The following RASAL2 variants were observed in gnomAD, a reference collection of about 807,000 sequenced individuals.
RASAL2 encodes the protein ras GTPase-activating protein nGAP.
RASAL2 carries 58 observed loss-of-function variants against 128.9 expected under a neutral mutation model. The ratio of observed to expected loss-of-function variants is 0.45; its 90% CI spans 0.36 to 0.56. The LOEUF (loss-of-function observed/expected upper bound fraction) is 0.56. Among genes scored for constraint, RASAL2 ranks in the 20% least tolerant of loss-of-function variants. The pLI is 0.00. For synonymous variants in RASAL2, 561 were observed against 580.8 expected (o/e 0.97, Z 0.49); for missense variants, 1,360 against 1,601.6 (o/e 0.85, Z 2.57).
intron 3 of RASAL2, among the ~76,000 whole-genome samples, chr1:178,352,799 A>G (rs1172964537): frequency 1.3e-5 from 2 of 152,058 alleles, no homozygotes; most frequent in Non-Finnish European, 2.9e-5. Context: ...CAGCTCTTGC[A>G]CTCTGTGTAC....
chr1:178,111,385 G>T (rs539121900), intron 1 of RASAL2, among the ~76,000 whole-genome samples: 32 of 152,112 alleles, frequency 2.1e-4, no homozygotes, highest in African/African-American at 7.7e-4. Flanking sequence ...CTAGGATTAC[G>T]TGCATGAGCC....
At chr1:178,255,243 T>G (rs912142735) in intron 1 of RASAL2, among the ~76,000 whole-genome samples, 1 of 152,068 alleles carries the variant, frequency 6.6e-6, no homozygotes, top group African/African-American at 2.4e-5. Flanking sequence ...AGACAGTAAT[T>G]CAAATCCAAA....
chr1:178,327,078 T>C (rs1393486852), intron 3 of RASAL2, among the ~76,000 whole-genome samples: 1 of 152,198 alleles, frequency 6.6e-6, no homozygotes, highest in Non-Finnish European at 1.5e-5. Context: ...TCATTCTAAC[T>C]TAGCATTTCT....
intron 1 of RASAL2, among the ~76,000 whole-genome samples, chr1:178,160,576 A>G (rs1187036599): frequency 1.3e-5 from 2 of 152,252 alleles, no homozygotes; most frequent in African/African-American, 2.4e-5. Context: ...CGGAGGTTGC[A>G]GTGAGCCGAG....
chr1:178,250,434 T>G (rs1220836304), intron 1 of RASAL2, among the ~76,000 whole-genome samples: 1 of 152,194 alleles, frequency 6.6e-6, no homozygotes, highest in African/African-American at 2.4e-5. Context: ...CCACCAAGCT[T>G]GATCATCCCA....
intron 1 of RASAL2, among the ~76,000 whole-genome samples, chr1:178,101,719 A>C (rs1004679833): frequency 2.6e-5 from 4 of 152,190 alleles, no homozygotes; most frequent in African/African-American, 7.2e-5. Context: ...GCTTATTCCC[A>C]AAATTGGAGA....
chr1:178,329,302 G>A (rs528888130), intron 3 of RASAL2, among the ~76,000 whole-genome samples: 1 of 152,276 alleles, frequency 6.6e-6, no homozygotes, highest in African/African-American at 2.4e-5. Flanking sequence ...ACTGATTAAG[G>A]AACATTTGGT....
chr1:178,376,198 A>G (rs1409630206), intron 3 of RASAL2, among the ~76,000 whole-genome samples: 1 of 152,142 alleles, frequency 6.6e-6, no homozygotes, highest in African/African-American at 2.4e-5. Flanking sequence ...AGTCAGAAAA[A>G]AACCACTAGG....
intron 1 of RASAL2, among the ~76,000 whole-genome samples, chr1:178,232,449 G>A (rs1664049368): frequency 6.6e-6 from 1 of 152,112 alleles, no homozygotes; most frequent in African/African-American, 2.4e-5. Context: ...AATTTTTTAA[G>A]TATGTACATT....
intron 1 of RASAL2, among the ~76,000 whole-genome samples, chr1:178,227,528 A>C (rs1663837584): frequency 6.6e-6 from 1 of 152,190 alleles, no homozygotes; most frequent in South Asian, 2.1e-4. Flanking sequence ...TTCCTTATGT[A>C]AGCCTTTCCT....
At chr1:178,431,725 G>A (rs940054614) in intron 5 of RASAL2, among the ~76,000 whole-genome samples, 3 of 151,658 alleles carry the variant, frequency 2.0e-5, no homozygotes, top group African/African-American at 4.8e-5. Context: ...AATACTATGT[G>A]GTCATTACAA....
At chr1:178,241,872 G>C (rs1171519039) in intron 1 of RASAL2, among the ~76,000 whole-genome samples, 1 of 152,164 alleles carries the variant, frequency 6.6e-6, no homozygotes, top group Non-Finnish European at 1.5e-5. Context: ...GCTTAGTCTG[G>C]AAAGCTTTTT....
chr1:178,222,447 A>G (rs543435481), intron 1 of RASAL2, among the ~76,000 whole-genome samples: 1 of 152,116 alleles, frequency 6.6e-6, no homozygotes, highest in Non-Finnish European at 1.5e-5. Flanking sequence ...TGAGTTTGCA[A>G]TATACATTTA....
intron 1 of RASAL2, among the ~76,000 whole-genome samples, chr1:178,119,318 A>G (rs1020024188): frequency 2.0e-5 from 3 of 152,198 alleles, no homozygotes; most frequent in Admixed American, 6.5e-5. Flanking sequence ...TTCTGTGTGT[A>G]AGAGAAGATG....
chr1:178,220,234 G>A (rs1663569795), intron 1 of RASAL2, among the ~76,000 whole-genome samples: 1 of 152,038 alleles, frequency 6.6e-6, no homozygotes, highest in Non-Finnish European at 1.5e-5. Context: ...CCTTTATAGA[G>A]ACACAAAGTA....
intron 13 of RASAL2, among the ~76,000 whole-genome samples, chr1:178,457,286 T>C (rs1379500585): frequency 3.3e-5 from 5 of 152,260 alleles, no homozygotes; most frequent in African/African-American, 1.2e-4. Flanking sequence ...ATGCTTAGAC[T>C]GTTTTAGGGA....
chr1:178,426,695 T>C (rs1436334967), intron 5 of RASAL2, among the ~76,000 whole-genome samples: 1 of 151,976 alleles, frequency 6.6e-6, no homozygotes, highest in Non-Finnish European at 1.5e-5. Flanking sequence ...GAATTCTCAG[T>C]AGAAACAATG....
intron 11 of RASAL2, among the ~76,000 whole-genome samples, 164 bp downstream of exon 11, chr1:178,452,816 G>A (rs766444493): frequency 1.2e-4 from 18 of 152,076 alleles, no homozygotes; most frequent in Admixed American, 6.5e-4. Flanking sequence ...ACTTCATAGA[G>A]GAATGGTTAA....
At chr1:178,257,489 T>C (rs482269) in intron 1 of RASAL2, among the ~76,000 whole-genome samples, 104,059 of 151,368 alleles carry the variant, frequency 0.69, 38,017 homozygotes, top group East Asian at 0.81. Context: ...TAAAACTAAT[T>C]GATTTTCGAC....
Sources: gnomAD v4.1 joint callset for allele counts (sites outside exome capture counted in the v4.1 genomes callset) on GRCh38, gnomAD v4.1.1 for gene constraint, MANE v1.5 for transcripts, NCBI Gene and HGNC (gene_info 2026-07-23, HGNC 2026-07-21) for gene names.